STAB2: variants seen among roughly 807,000 people sequenced by gnomAD.
STAB2 encodes the protein stabilin 2.
A neutral mutation model predicts 338.1 loss-of-function variants in STAB2; 288 were observed. The ratio of observed to expected loss-of-function variants is 0.85; its 90% confidence interval spans 0.77 to 0.94. The LOEUF (loss-of-function observed/expected upper bound fraction) is 0.94. Among genes scored for constraint, STAB2 ranks in the 40% least tolerant of loss-of-function variants. The probability of loss-of-function intolerance (pLI) is 0.00; values close to 1 mark genes in which losing one functional copy is unlikely to be tolerated. For synonymous variants in STAB2, 1,202 were observed against 1,193.3 expected (o/e 1.01, Z -0.15); for missense variants, 3,141 against 3,210.1 (o/e 0.98, Z 0.52).
At chr12:103,624,759 G>C (rs1957354554) in intron 5 of STAB2, among the ~76,000 whole-genome samples, 1 of 152,072 alleles carries the variant, frequency 6.6e-6, no homozygotes. Flanking sequence ...CCAACATGGT[G>C]AAACCCCATC....
chr12:103,622,103 G>C lies in STAB2; in HGVS notation c.479G>C (p.Cys160Ser), dbSNP rs1012838617. ...GACGACAACTTATTTGGACCCAGCT[G>C]TTCATCAGGTATGTCTGATTTTTGT... Reference protein sequence around the residue: ...CADDNLFGPSCSSVCNCVHGV... With the variant: ...CADDNLFGPSSSSVCNCVHGV... Residue 160 changes from cysteine (C) to serine (S), a missense_variant, in exon 5 of 69, where the codon TGT becomes TCT. Coordinates refer to ENST00000388887, the MANE Select transcript of STAB2 (RefSeq NM_017564.10). 5 of 1,614,072 alleles carry C rather than the reference G, an allele frequency of 3.1e-6. No homozygotes were observed.
chr12:103,591,396 A>T (rs1490670944), intron 2 of STAB2, among the ~76,000 whole-genome samples: 1 of 152,162 alleles, frequency 6.6e-6, no homozygotes, highest in Admixed American at 6.5e-5. Context: ...GAGGCACGAG[A>T]ATCGCTTGAA....
chr12:103,695,477 A>ACT, intron 31 of STAB2, 73 bp from the exon 32 acceptor site: 1 of 1,407,012 alleles, frequency 7.1e-7, no homozygotes, highest in Non-Finnish European at 1.0e-6. Context: ...ATGGCATTAG[A>ACT]CTCTCCTATG....
At chr12:103,660,850 C>A in intron 17 of STAB2, 87 bp downstream of exon 17, 1 of 1,370,812 alleles carries the variant, frequency 7.3e-7, no homozygotes, top group Non-Finnish European at 1.0e-6. Flanking sequence ...TGCCTCTATG[C>A]TAACTCATGG....
intron 20 of STAB2, 43 bp downstream of exon 20, chr12:103,668,772 C>T: frequency 6.7e-7 from 1 of 1,483,892 alleles, no homozygotes; most frequent in Non-Finnish European, 9.0e-7. Flanking sequence ...CCAGTAGGGC[C>T]AGGCAGCTCC....
intron 36 of STAB2, 103 bp downstream of exon 36, chr12:103,704,717 C>G: frequency 3.1e-6 from 3 of 970,964 alleles, no homozygotes; most frequent in Non-Finnish European, 3.1e-6. Context: ...CTCATTCCTT[C>G]ACTTAATTTG....
At chr12:103,683,153 T>C (rs1877077182) in intron 25 of STAB2, 52 bp from the exon 26 acceptor site, 2 of 1,520,446 alleles carry the variant, frequency 1.3e-6, no homozygotes, top group Non-Finnish European at 1.8e-6. Flanking sequence ...GGGAAAGACA[T>C]GGAAGGCACT....
intron 6 of STAB2, among the ~76,000 whole-genome samples, chr12:103,634,633 T>C (rs1196730645): frequency 6.6e-6 from 1 of 152,262 alleles, no homozygotes; most frequent in Non-Finnish European, 1.5e-5. Flanking sequence ...TTTCTTTTGA[T>C]GTCGGGATAC....
intron 30 of STAB2, among the ~76,000 whole-genome samples, 181 bp downstream of exon 30, chr12:103,690,719 A>G (rs1046296627): frequency 6.6e-6 from 1 of 152,252 alleles, no homozygotes; most frequent in African/African-American, 2.4e-5. Flanking sequence ...ATACACATAT[A>G]CACGTTACCC....
chr12:103,742,166 T>C (rs1882636767), intron 55 of STAB2, among the ~76,000 whole-genome samples: 1 of 152,154 alleles, frequency 6.6e-6, no homozygotes, highest in Non-Finnish European at 1.5e-5. Flanking sequence ...TCAAATCCAG[T>C]GCACAAACCC....
At chr12:103,706,701 CAA>C (rs1879377159) in intron 37 of STAB2, 89 bp from the exon 38 acceptor site, 1 of 1,535,246 alleles carries the variant, frequency 6.5e-7, no homozygotes, top group Admixed American at 1.8e-5. Context: ...AACAGGTGCA[CAA>C]GAAGTCACCC....
chr12:103,660,292 T>A lies in STAB2; in HGVS notation c.1735-39T>A, dbSNP rs746160560. ...TTCCACAAGAGTGGAAGTGTTGCAT[T>A]TTCTTCTTTGACTAAAGAAGTATTT... On this transcript the variant is annotated intron_variant, in intron 15 of 68. Coordinates refer to ENST00000388887, the MANE Select transcript of STAB2 (RefSeq NM_017564.10). 4.0e-5 allele frequency: 64 copies of A among 1,601,830 alleles called. No individual in the cohort carries two copies. In the East Asian group the frequency reaches 1.4e-3, roughly 36 times the overall value.
chr12:103,730,426 A>C (rs1881544203), intron 49 of STAB2, among the ~76,000 whole-genome samples, 170 bp downstream of exon 49: 1 of 152,234 alleles, frequency 6.6e-6, no homozygotes, highest in Non-Finnish European at 1.5e-5. Flanking sequence ...TAAGTAAAAG[A>C]CTATCTTAAA....
At position 103,617,237 on chromosome 12, in the gene STAB2, A is replaced by G. The variant is rs571939829; in HGVS notation, c.332-3231A>G. ...CTGTTAAATCCACAACTCTCTCCGC[A>G]CTAGACTGGTAGGATCATGGAAATA... is the stretch of plus-strand genomic sequence containing the variant. On this transcript the variant is annotated intron_variant, in intron 3 of 68. Coordinates refer to ENST00000388887, the MANE Select transcript of STAB2 (RefSeq NM_017564.10). Among the ~76,000 whole-genome samples, 39 of 152,298 alleles carry G rather than the reference A, an allele frequency of 2.6e-4. 2 individuals are homozygous for G. In the South Asian group the frequency reaches 7.3e-3, roughly 28 times the overall value.
At position 103,750,757 on chromosome 12, in the gene STAB2, C is replaced by T. The variant is rs771889604; in HGVS notation, c.6580+37C>T. 12 of 1,582,750 alleles carry T rather than the reference C, an allele frequency of 7.6e-6. No homozygotes were observed. In the Admixed American group the frequency reaches 2.0e-4, roughly 26 times the overall value. On this transcript the variant is annotated intron_variant, in intron 60 of 68. Transcript: ENST00000388887. Reference sequence around the variant, plus strand: ...CAGGGCCTATGGCCCAAAGCACCCTCCTCTTCAGGCCTGGGGAAGGGACCC... The same window carrying T: ...CAGGGCCTATGGCCCAAAGCACCCTTCTCTTCAGGCCTGGGGAAGGGACCC...
At chr12:103,595,217 T>G (rs1956857565) in intron 3 of STAB2, among the ~76,000 whole-genome samples, 1 of 152,178 alleles carries the variant, frequency 6.6e-6, no homozygotes, top group Non-Finnish European at 1.5e-5. Flanking sequence ...ATGTAAAGTC[T>G]TCTTTTTTTG....
intron 25 of STAB2, among the ~76,000 whole-genome samples, chr12:103,678,069 G>A (rs890153095): frequency 6.6e-6 from 1 of 152,130 alleles, no homozygotes; most frequent in Non-Finnish European, 1.5e-5. Flanking sequence ...AGAGACAACT[G>A]ATAAGGCTCC....
rs1298064608 is a variant in STAB2, at chr12:103,755,696, C to T, written c.6965C>T (p.Pro2322Leu). The stretch of plus-strand genomic sequence containing the variant: ...CTGCTGCAGGTCCTGATGTCCTTCC[C>T]CTCACTCACAAACTTCCTGACGGTA... ...GNLLQVLMSFPSLTNFLTEVL... is the reference protein window; with the variant it reads ...GNLLQVLMSFLSLTNFLTEVL... The change falls in exon 63 of 69, where the codon CCC becomes CTC. Residue 2322 changes from proline (P) to leucine (L), a missense_variant. Coordinates refer to ENST00000388887, the MANE Select transcript of STAB2 (RefSeq NM_017564.10). 1.2e-6 allele frequency: 2 copies of T among 1,614,132 alleles called. No individual in the cohort carries two copies. Among genetic ancestry groups the T allele is most frequent in the Non-Finnish European group, 1.7e-6 (2 of 1,180,032 alleles).
At chr12:103,636,154 G>C (rs971317575) in intron 6 of STAB2, among the ~76,000 whole-genome samples, 6 of 151,184 alleles carry the variant, frequency 4.0e-5, no homozygotes. Context: ...CCATTAACTC[G>C]TCATTTAGCA....
Sources: gnomAD v4.1 joint callset for allele counts (sites outside exome capture counted in the v4.1 genomes callset) on GRCh38, gnomAD v4.1.1 for gene constraint, MANE v1.5 for transcripts, NCBI Gene and HGNC (gene_info 2026-07-23, HGNC 2026-07-21) for gene names.